Variants in DSCAM observed in about 807,000 individuals in gnomAD.
DSCAM encodes the protein DS cell adhesion molecule.
A neutral mutation model predicts 217.7 loss-of-function variants in DSCAM; 47 were observed. The observed-to-expected ratio is 0.22, with a 90% confidence interval of 0.17 to 0.28. The LOEUF (loss-of-function observed/expected upper bound fraction) is 0.28. Ranked by LOEUF, DSCAM falls within the 10% of genes least tolerant of loss-of-function variation. The probability of loss-of-function intolerance (pLI) is 1.00; values close to 1 mark genes in which losing one functional copy is unlikely to be tolerated. For missense variants in DSCAM, 2,080 were observed against 2,618.3 expected (o/e 0.79, Z 4.49); for synonymous variants, 1,056 against 1,015.3 (o/e 1.04, Z -0.76).
intron 18 of DSCAM, among the ~76,000 whole-genome samples, chr21:40,140,597 A>G (rs1431065116): frequency 6.6e-6 from 1 of 152,196 alleles, no homozygotes; most frequent in African/African-American, 2.4e-5. Flanking sequence ...ACTCAATATA[A>G]GGAGTAGAAA....
At chr21:40,763,251 G>C (rs1167489390) in intron 1 of DSCAM, among the ~76,000 whole-genome samples, 1 of 152,098 alleles carries the variant, frequency 6.6e-6, no homozygotes, top group East Asian at 1.9e-4. Context: ...AAAGTCTCAG[G>C]ATACAAAATC....
intron 3 of DSCAM, among the ~76,000 whole-genome samples, chr21:40,449,413 T>C (rs558909027): frequency 2.0e-4 from 31 of 152,308 alleles, no homozygotes; most frequent in Middle Eastern, 3.4e-3. Flanking sequence ...CAATGTGAAA[T>C]TGTAAATGCA....
intron 3 of DSCAM, among the ~76,000 whole-genome samples, chr21:40,498,731 GTGTGTATATATA>G (rs56138372): frequency 0.066 from 1,033 of 15,740 alleles, 92 homozygotes; most frequent in Admixed American, 0.12. Flanking sequence ...ATATATGGGT[GTGTGTATATATA>G]TATATATATA....
intron 3 of DSCAM, among the ~76,000 whole-genome samples, chr21:40,586,391 A>G (rs2146234315): frequency 6.6e-6 from 1 of 152,340 alleles, no homozygotes; most frequent in Admixed American, 6.5e-5. Flanking sequence ...ATCTTGTTTG[A>G]CTGTTCTGTG....
chr21:40,443,237 C>T (rs2075647401), intron 3 of DSCAM, among the ~76,000 whole-genome samples: 1 of 152,170 alleles, frequency 6.6e-6, no homozygotes, highest in Non-Finnish European at 1.5e-5. Flanking sequence ...AAATCTTAAA[C>T]AAGGTTTTAA....
Position 40,215,640 on chromosome 21 carries a change from T to C in DSCAM, c.2357-26402A>G, listed in dbSNP as rs115383954. On this transcript the variant is annotated intron_variant, in intron 11 of 32. Coordinates refer to ENST00000400454, the MANE Select transcript of DSCAM (RefSeq NM_001389.5). ...GGCATTCAGAGTGGTGTAATGGACATTGGAGACTCAGAAGTGGGGAGGGAG... is the reference window on the plus strand; with the variant it reads ...GGCATTCAGAGTGGTGTAATGGACACTGGAGACTCAGAAGTGGGGAGGGAG... 3.2e-3 allele frequency among the ~76,000 whole-genome samples: 486 copies of C among 152,100 alleles called. 1 individual carries two copies. Among genetic ancestry groups the C allele is most frequent in the African/African-American group, 0.011 (448 of 41,490 alleles).
chr21:40,293,628 T>G (rs1035046465), intron 10 of DSCAM, among the ~76,000 whole-genome samples: 1 of 152,218 alleles, frequency 6.6e-6, no homozygotes, highest in Admixed American at 6.5e-5. Context: ...AAGGCCAGCC[T>G]GGCCAACATG....
intron 3 of DSCAM, among the ~76,000 whole-genome samples, chr21:40,570,114 A>G (rs1233739855): frequency 2.6e-5 from 4 of 152,192 alleles, no homozygotes; most frequent in Non-Finnish European, 5.9e-5. Flanking sequence ...GAACAGGTCT[A>G]GAGAGCAAAG....
intron 3 of DSCAM, among the ~76,000 whole-genome samples, chr21:40,593,398 T>A (rs929722171): frequency 6.6e-6 from 1 of 152,032 alleles, no homozygotes; most frequent in African/African-American, 2.4e-5. Flanking sequence ...TGATCTCAGC[T>A]CACTGCAACC....
chr21:40,048,235 C>T (rs2088873046), intron 30 of DSCAM, among the ~76,000 whole-genome samples: 1 of 152,260 alleles, frequency 6.6e-6, no homozygotes, highest in South Asian at 2.1e-4. Context: ...GCACAGCTGG[C>T]CGTGCCCATG....
chr21:40,705,116 G>C (rs553853553), intron 2 of DSCAM, among the ~76,000 whole-genome samples: 1 of 152,334 alleles, frequency 6.6e-6, no homozygotes, highest in African/African-American at 2.4e-5. Context: ...AGCTAAGGTT[G>C]AGAACTAGTT....
At chr21:40,777,795 A>G (rs927344607) in intron 1 of DSCAM, among the ~76,000 whole-genome samples, 12 of 152,206 alleles carry the variant, frequency 7.9e-5, no homozygotes, top group African/African-American at 2.9e-4. Context: ...ATATACTGAG[A>G]TAAATAAAAT....
intron 8 of DSCAM, among the ~76,000 whole-genome samples, chr21:40,330,164 T>C (rs1421398107): frequency 2.7e-5 from 4 of 150,812 alleles, no homozygotes; most frequent in Non-Finnish European, 5.9e-5. Context: ...TAAATACATA[T>C]TATTTTATTT....
rs191180547 is a variant in DSCAM at position 40,719,129 on chromosome 21, C to A, written c.44-10358G>T. Among the ~76,000 whole-genome samples, 96 of 144,892 alleles carry A rather than the reference C, an allele frequency of 6.6e-4. 1 individual carries two copies. Among genetic ancestry groups the A allele is most frequent in the African/African-American group, 2.6e-3 (90 of 35,152 alleles). On this transcript the variant is annotated intron_variant, in intron 1 of 32. Coordinates refer to ENST00000400454, the MANE Select transcript of DSCAM (RefSeq NM_001389.5). The stretch of plus-strand genomic sequence containing the variant: ...AGACCTTGTCTCCAAAGAAGAAAAA[C>A]ACACACACACACACACAAGGTGTGA...
At chr21:40,686,161 TCA>T (rs953629741) in intron 3 of DSCAM, among the ~76,000 whole-genome samples, 20 of 136,172 alleles carry the variant, frequency 1.5e-4, no homozygotes, top group African/African-American at 3.0e-4. Context: ...CCTGCATATA[TCA>T]CACACACACA....
chr21:40,017,219 G>A (rs953331225), intron 32 of DSCAM, among the ~76,000 whole-genome samples: 5 of 151,916 alleles, frequency 3.3e-5, no homozygotes, highest in East Asian at 1.9e-4. Flanking sequence ...GTTATTACCC[G>A]TCTTGAAAAT....
At chr21:40,502,666 TACTTTTAAGG>T (rs1421691337) in intron 3 of DSCAM, among the ~76,000 whole-genome samples, 21 of 152,324 alleles carry the variant, frequency 1.4e-4, no homozygotes, top group South Asian at 4.2e-4. Context: ...CTCTTCCTTC[TACTTTTAAGG>T]ACTCTTGTCA....
At position 40,591,270 on chromosome 21, in the gene DSCAM, T is replaced by A. The variant is rs989860507; in HGVS notation, c.508+101540A>T. On this transcript the variant is annotated intron_variant, in intron 3 of 32. Transcript: ENST00000400454. ...AATTAAGACTTTTTCCTTTATTAAT[T>A]ACCCAGTCTGGAAACAGAATAATAC... 5.3e-5 allele frequency among the ~76,000 whole-genome samples: 8 copies of A among 152,190 alleles called. No homozygotes were observed. In the East Asian group the frequency reaches 7.7e-4, roughly 15 times the overall value.
intron 3 of DSCAM, among the ~76,000 whole-genome samples, chr21:40,498,378 GC>G (rs1308014117): frequency 6.6e-6 from 1 of 151,738 alleles, no homozygotes; most frequent in Non-Finnish European, 1.5e-5. Context: ...ACAAAGCAAT[GC>G]GTATAAAAAA....
Sources: allele counts gnomAD v4.1 joint callset (sites outside exome capture counted in the v4.1 genomes callset), GRCh38; gene constraint gnomAD v4.1.1; transcripts MANE v1.5; gene names NCBI Gene and HGNC (gene_info 2026-07-23, HGNC 2026-07-21).